The following USP54 variants were observed in gnomAD, a reference collection of about 807,000 sequenced individuals.
USP54 encodes the protein ubiquitin carboxyl-terminal hydrolase 54.
In USP54, 87 loss-of-function variants were observed where a neutral mutation model predicts 170.5. The observed-to-expected ratio is 0.51, with a 90% CI of 0.43 to 0.61. The LOEUF is 0.61. Ranked by LOEUF, USP54 falls within the 20% of genes least tolerant of loss-of-function variation. The probability of loss-of-function intolerance (pLI) is 0.00; values close to 1 mark genes in which losing one functional copy is unlikely to be tolerated. For synonymous variants in USP54, 655 were observed against 742.8 expected (o/e 0.88, Z 1.92); for missense variants, 1,786 against 2,047.8 (o/e 0.87, Z 2.47).
At chr10:73,603,536 G>A (rs1300790367) in intron 1 of USP54, among the ~76,000 whole-genome samples, 8 of 152,044 alleles carry the variant, frequency 5.3e-5, no homozygotes, top group South Asian at 2.1e-4. Flanking sequence ...CCAACATGGC[G>A]AAACCCCATC....
intron 1 of USP54, among the ~76,000 whole-genome samples, chr10:73,613,540 T>C (rs929093321): frequency 6.6e-6 from 1 of 151,884 alleles, no homozygotes; most frequent in African/African-American, 2.4e-5. Flanking sequence ...AAATTGCATA[T>C]GCCAAAACAG....
At chr10:73,551,082 C>G (rs1022306601) in intron 4 of USP54, among the ~76,000 whole-genome samples, 2 of 152,060 alleles carry the variant, frequency 1.3e-5, no homozygotes, top group Admixed American at 1.3e-4. Flanking sequence ...CCAGCCTGGG[C>G]GACAGAGCAA....
chr10:73,554,331 C>T (rs1020226180), intron 4 of USP54, among the ~76,000 whole-genome samples: 5 of 152,206 alleles, frequency 3.3e-5, no homozygotes, highest in Non-Finnish European at 7.3e-5. Context: ...CTCTTCTCAA[C>T]CTGGACTTCC....
At chr10:73,623,923 A>G (rs962097813) in intron 1 of USP54, among the ~76,000 whole-genome samples, 4 of 151,898 alleles carry the variant, frequency 2.6e-5, no homozygotes, top group African/African-American at 4.8e-5. Flanking sequence ...TTTCACTGCA[A>G]TGCCTTACAC....
In USP54 at chr10:73,575,505, C is replaced by A; in HGVS notation, c.147+7G>T. 6.3e-7 allele frequency: 1 copy of A among 1,591,048 alleles called. No homozygotes were observed. The highest frequency in any genetic ancestry group is 8.5e-7 in the Non-Finnish European group (1 of 1,172,270). Reference sequence around the variant, plus strand: ...AAGTTCACCAAAAATAAAGAAATGACCCTTACCTGCAGGGCACTGTTGAGG... The same window carrying A: ...AAGTTCACCAAAAATAAAGAAATGAACCTTACCTGCAGGGCACTGTTGAGG... On this transcript the variant is annotated splice_region_variant and intron_variant, in intron 3 of 23. Coordinates refer to ENST00000687698, the MANE Select transcript of USP54 (RefSeq NM_001391956.1).
At chr10:73,553,996 A>C (rs1467447695) in intron 4 of USP54, among the ~76,000 whole-genome samples, 3 of 152,252 alleles carry the variant, frequency 2.0e-5, no homozygotes, top group Non-Finnish European at 4.4e-5. Flanking sequence ...ATAAGATAGA[A>C]GTGCCATAAA....
chr10:73,613,750 G>A (rs775529874), intron 1 of USP54, among the ~76,000 whole-genome samples: 14 of 151,622 alleles, frequency 9.2e-5, no homozygotes, highest in Non-Finnish European at 1.6e-4. Flanking sequence ...GTGGTGGCGC[G>A]TGCCTGTAAT....
chr10:73,578,013 G>A (rs892743821), intron 1 of USP54, among the ~76,000 whole-genome samples: 2 of 152,174 alleles, frequency 1.3e-5, no homozygotes, highest in African/African-American at 4.8e-5. Flanking sequence ...GCAGGCAGGT[G>A]GGGTTTCCAA....
intron 4 of USP54, 142 bp from the exon 5 acceptor site, chr10:73,545,814 G>T: frequency 1.1e-6 from 1 of 901,518 alleles, no homozygotes; most frequent in Non-Finnish European, 1.6e-6. Flanking sequence ...CTTGCAGTTA[G>T]TAATTAAAAA....
At chr10:73,500,218 G>A (rs2057804824) in intron 23 of USP54, among the ~76,000 whole-genome samples, 1 of 152,170 alleles carries the variant, frequency 6.6e-6, no homozygotes, top group African/African-American at 2.4e-5. Flanking sequence ...CATGTAAAGG[G>A]TCTTTCCAAT....
At position 73,520,988 on chromosome 10, in the gene USP54, T is replaced by A. The variant is rs765010921; in HGVS notation, c.2402A>T (p.Glu801Val). The A allele has an allele frequency of 6.2e-7, 1 of 1,614,158 alleles. No individual in the cohort carries two copies. The highest frequency in any genetic ancestry group is 1.1e-5 in the South Asian group (1 of 91,080). ...ATGTAGTGACTCTTCAAACACTGAC[T>A]CTGCCTCTTGCAGGGACCTCTCAAA... ...DGFERSLQEAESVFEESLHLE... is the reference protein window; with the variant it reads ...DGFERSLQEAVSVFEESLHLE... The change falls in exon 18 of 24, where the codon GAG becomes GTG. Residue 801 changes from glutamate to valine, a missense_variant. Physicochemically the swap from Glu to Val is moderately radical, Grantham distance 121 (BLOSUM62 -2). Coordinates refer to ENST00000687698, the MANE Select transcript of USP54 (RefSeq NM_001391956.1).
chr10:73,607,008 G>A (rs767653527), intron 1 of USP54, among the ~76,000 whole-genome samples: 4 of 151,370 alleles, frequency 2.6e-5, no homozygotes, highest in Admixed American at 6.6e-5. Flanking sequence ...TCTAGAGGCA[G>A]GAATTAGAAA....
intron 1 of USP54, chr10:73,614,102 T>TGAGGC (rs2080403788): frequency 2.7e-5 from 4 of 149,666 alleles, no homozygotes; most frequent in African/African-American, 1.0e-4. Flanking sequence ...CTGGGGAGGC[T>TGAGGC]AAAGTGGAAG....
In USP54 at chr10:73,500,637, T is replaced by A. The variant is rs554233361; in HGVS notation, c.4495+18A>T. 1.3e-5 allele frequency: 21 copies of A among 1,574,526 alleles called. No individual in the cohort carries two copies. The South Asian group carries it at 2.0e-4, about 15-fold the overall frequency. ...GGTACCAAATTCTGGCATATAATAT[T>A]AGATTTGGGGGAGTTACCTGGGAGT... On this transcript the variant is annotated intron_variant, in intron 23 of 23. Transcript: ENST00000687698.
chr10:73,622,455 CTG>C (rs1204144684), intron 1 of USP54, among the ~76,000 whole-genome samples: 1 of 152,020 alleles, frequency 6.6e-6, no homozygotes, highest in Non-Finnish European at 1.5e-5. Context: ...TCCCGAGTGG[CTG>C]GAATTACTGG....
At chr10:73,540,684 T>C (rs2066433078) in intron 9 of USP54, among the ~76,000 whole-genome samples, 1 of 152,174 alleles carries the variant, frequency 6.6e-6, no homozygotes, top group African/African-American at 2.4e-5. Context: ...ACTACAGCCT[T>C]GAACTCCTTA....
At chr10:73,523,910 A>C (rs559903763) in intron 16 of USP54, among the ~76,000 whole-genome samples, 160 bp from the exon 17 acceptor site, 2 of 147,146 alleles carry the variant, frequency 1.4e-5, no homozygotes, top group South Asian at 4.2e-4. Context: ...TATTATTATT[A>C]TTATTATTAT....
At chr10:73,609,880 T>A (rs112017472) in intron 1 of USP54, among the ~76,000 whole-genome samples, 5,256 of 134,100 alleles carry the variant, frequency 0.039, 151 homozygotes, top group South Asian at 0.13. Flanking sequence ...TGTGGTGGCG[T>A]GCGCCTGTAA....
chr10:73,513,079 G>C (rs1237382052), intron 20 of USP54: 1 of 151,932 alleles, frequency 6.6e-6, no homozygotes, highest in African/African-American at 2.4e-5. Context: ...TCTTCTAAAA[G>C]GTTATTCTAA....
Sources: allele counts gnomAD v4.1 joint callset (sites outside exome capture counted in the v4.1 genomes callset), GRCh38; gene constraint gnomAD v4.1.1; transcripts MANE v1.5; gene names NCBI Gene and HGNC (gene_info 2026-07-23, HGNC 2026-07-21).